CHCHD3: variants seen among roughly 807,000 people sequenced by gnomAD.
CHCHD3 encodes the protein coiled-coil-helix-coiled-coil-helix domain containing 3.
CHCHD3 carries 20 observed loss-of-function variants against 38.2 expected under a neutral mutation model. The observed-to-expected ratio is 0.52, with a 90% CI of 0.37 to 0.76. The LOEUF (loss-of-function observed/expected upper bound fraction) is 0.76, where lower values mean the gene tolerates loss of function less well. CHCHD3 is among the 30% of genes least tolerant of loss of function. CHCHD3 has a pLI of 0.00. For missense variants in CHCHD3, 245 were observed against 279.2 expected, an observed-to-expected ratio of 0.88 and a Z score of 0.87; for synonymous variants, 82 against 100.0, an observed-to-expected ratio of 0.82 and a Z score of 1.07.
intron 5 of CHCHD3, among the ~76,000 whole-genome samples, chr7:132,854,257 T>C (rs1311205254): frequency 1.3e-5 from 2 of 152,188 alleles, no homozygotes; most frequent in African/African-American, 2.4e-5. Flanking sequence ...GAAAAACAAG[T>C]ATTTAGCCAC....
At chr7:132,838,799 A>T (rs550730679) in intron 5 of CHCHD3, among the ~76,000 whole-genome samples, 2 of 152,334 alleles carry the variant, frequency 1.3e-5, no homozygotes, top group African/African-American at 4.8e-5. Flanking sequence ...AGATCAAAGG[A>T]TGCCTGAGAT....
intron 4 of CHCHD3, among the ~76,000 whole-genome samples, chr7:132,971,022 T>C (rs117551236): frequency 0.022 from 3,298 of 152,220 alleles, 68 homozygotes; most frequent in Non-Finnish European, 0.028. Context: ...TGAGTCAAAA[T>C]TTTAACTGGA....
chr7:132,892,243 A>G lies in CHCHD3; in HGVS notation c.370-6498T>C, dbSNP rs552869956. The stretch of plus-strand genomic sequence containing the variant: ...TTTTGACCAAAATGCTGATAGTGAT[A>G]TGGACAATGAAGTCCAGGCTGAGGT... On this transcript the variant is annotated intron_variant, in intron 4 of 7. Transcript: ENST00000262570. 5.9e-5 allele frequency among the ~76,000 whole-genome samples: 9 copies of G among 152,338 alleles called. No homozygotes were observed. The East Asian group carries it at 1.7e-3, about 29-fold the overall frequency.
chr7:132,956,294 TAAGCTCTATTAAGGC>T (rs1174611922), intron 4 of CHCHD3, among the ~76,000 whole-genome samples: 1 of 152,240 alleles, frequency 6.6e-6, no homozygotes, highest in African/African-American at 2.4e-5. Context: ...TACTGAAACG[TAAGCTCTATTAAGGC>T]AAAGATTTTT....
chr7:132,973,544 C>G (rs1446613958), intron 4 of CHCHD3: 1 of 985,670 alleles, frequency 1.0e-6, no homozygotes, highest in East Asian at 1.1e-4. Flanking sequence ...TCCCTTTGTT[C>G]CACTCAACAC....
intron 2 of CHCHD3, among the ~76,000 whole-genome samples, chr7:133,028,421 T>C (rs988291627): frequency 6.6e-6 from 1 of 152,196 alleles, no homozygotes; most frequent in Non-Finnish European, 1.5e-5. Context: ...CTGTTTGTGC[T>C]TATGGCTTGA....
intron 5 of CHCHD3, among the ~76,000 whole-genome samples, chr7:132,880,989 C>A (rs1809036851): frequency 6.6e-6 from 1 of 152,130 alleles, no homozygotes; most frequent in South Asian, 2.1e-4. Context: ...CTCTAAGTAT[C>A]TTTCAATTAG....
intron 5 of CHCHD3, among the ~76,000 whole-genome samples, chr7:132,883,857 C>T (rs1440253658): frequency 6.6e-6 from 1 of 152,172 alleles, no homozygotes; most frequent in Non-Finnish European, 1.5e-5. Flanking sequence ...CACAATCAAA[C>T]TCCTGATTTC....
At chr7:132,938,070 A>G (rs1430020538) in intron 4 of CHCHD3, among the ~76,000 whole-genome samples, 1 of 152,234 alleles carries the variant, frequency 6.6e-6, no homozygotes, top group Non-Finnish European at 1.5e-5. Flanking sequence ...AAATGCCTTC[A>G]ACAACTTATG....
At chr7:132,885,250 T>G (rs1203955479) in intron 5 of CHCHD3, among the ~76,000 whole-genome samples, 1 of 151,908 alleles carries the variant, frequency 6.6e-6, no homozygotes, top group Non-Finnish European at 1.5e-5. Context: ...AGATTCCATT[T>G]CAAAAAGAAA....
intron 5 of CHCHD3, among the ~76,000 whole-genome samples, chr7:132,873,120 G>C (rs1808806471): frequency 6.6e-6 from 1 of 151,928 alleles, no homozygotes. Flanking sequence ...AAAATGAAGA[G>C]GGGGAGGATG....
intron 4 of CHCHD3, among the ~76,000 whole-genome samples, chr7:132,898,143 G>C (rs1327754557): frequency 6.6e-6 from 1 of 152,206 alleles, no homozygotes. Context: ...CATAAAGGCA[G>C]TGTGGACCCA....
At chr7:132,993,007 TA>T (rs1812323503) in intron 3 of CHCHD3, among the ~76,000 whole-genome samples, 1 of 152,226 alleles carries the variant, frequency 6.6e-6, no homozygotes, top group South Asian at 2.1e-4. Context: ...GCAGTCCTTT[TA>T]GGTGTCATTC....
At chr7:132,882,945 C>A (rs1809104027) in intron 5 of CHCHD3, among the ~76,000 whole-genome samples, 1 of 152,086 alleles carries the variant, frequency 6.6e-6, no homozygotes, top group South Asian at 2.1e-4. Context: ...TGGGAGGTAA[C>A]TGGATCATGG....
At chr7:132,882,478 T>C (rs1435524795) in intron 5 of CHCHD3, among the ~76,000 whole-genome samples, 1 of 13,232 alleles carries the variant, frequency 7.6e-5, no homozygotes, top group Non-Finnish European at 1.6e-4. Flanking sequence ...TATATATATA[T>C]ATATATATAT....
At chr7:132,976,112 C>G (rs989157415) in intron 3 of CHCHD3, among the ~76,000 whole-genome samples, 1 of 152,070 alleles carries the variant, frequency 6.6e-6, no homozygotes. Context: ...AGCAGAGAAG[C>G]CAGACATTAT....
chr7:132,905,872 A>T (rs1279634944), intron 4 of CHCHD3, among the ~76,000 whole-genome samples: 1 of 152,208 alleles, frequency 6.6e-6, no homozygotes, highest in Non-Finnish European at 1.5e-5. Context: ...ATTGCCAGAA[A>T]TCAAAATAGC....
chr7:133,067,027 T>G (rs1209820721), intron 2 of CHCHD3, among the ~76,000 whole-genome samples: 2 of 152,226 alleles, frequency 1.3e-5, no homozygotes, highest in East Asian at 3.8e-4. Flanking sequence ...AACTCTCATC[T>G]CCATTGCTCA....
intron 7 of CHCHD3, among the ~76,000 whole-genome samples, chr7:132,787,311 T>C (rs1806344391): frequency 6.6e-6 from 1 of 152,010 alleles, no homozygotes; most frequent in Admixed American, 6.6e-5. Flanking sequence ...ATCCTCAGCA[T>C]GATGGATCCA....
Sources: allele counts gnomAD v4.1 joint callset (sites outside exome capture counted in the v4.1 genomes callset), GRCh38; gene constraint gnomAD v4.1.1; transcripts MANE v1.5; gene names NCBI Gene and HGNC (gene_info 2026-07-23, HGNC 2026-07-21).